Variants in CIMIP6 observed in about 807,000 individuals in gnomAD.
CIMIP6 encodes uncharacterized protein C2orf73.
At chr2:54,330,925 C>T in the CIMIP6 span, 15 of 1,585,000 alleles carry the variant, frequency 9.5e-6, no homozygotes, top group South Asian at 3.3e-5. Flanking sequence ...GGCAGGGCTG[C>T]GTCCCTGTTC....
At chr2:54,369,169 C>T in the CIMIP6 span, among the ~76,000 whole-genome samples, 5 of 152,248 alleles carry the variant, frequency 3.3e-5, no homozygotes, top group African/African-American at 1.2e-4. Flanking sequence ...TACCAAAACA[C>T]TGCGAAAGGC....
chr2:54,346,094 A>C, the CIMIP6 span, among the ~76,000 whole-genome samples: 1 of 93,670 alleles, frequency 1.1e-5, no homozygotes, highest in African/African-American at 4.2e-5. Context: ...TCCTGGCACA[A>C]CATTTGACCC....
At chr2:54,383,368 A>G in the CIMIP6 span, 3 of 152,378 alleles carry the variant, frequency 2.0e-5, no homozygotes. Context: ...TAACTAACAG[A>G]TTAATAAGCA....
At chr2:54,359,180 C>T in the CIMIP6 span, 27 of 692,180 alleles carry the variant, frequency 3.9e-5, no homozygotes, top group East Asian at 4.9e-4. Flanking sequence ...AAACAAACTA[C>T]TTCAGTTATT....
At chr2:54,351,107 A>G in the CIMIP6 span, among the ~76,000 whole-genome samples, 1 of 152,270 alleles carries the variant, frequency 6.6e-6, no homozygotes, top group Non-Finnish European at 1.5e-5. Flanking sequence ...AAATAAGAAC[A>G]GCATCTTTCA....
At chr2:54,350,490 T>C in the CIMIP6 span, among the ~76,000 whole-genome samples, 3 of 152,168 alleles carry the variant, frequency 2.0e-5, no homozygotes, top group Non-Finnish European at 2.9e-5. Context: ...CTCCACGTGG[T>C]TTCTCCAGCA....
At chr2:54,382,679 C>T in the CIMIP6 span, among the ~76,000 whole-genome samples, 1 of 152,200 alleles carries the variant, frequency 6.6e-6, no homozygotes, top group South Asian at 2.1e-4. Context: ...ATGTTTTCTA[C>T]CCCATATTCC....
chr2:54,335,655 G>A, the CIMIP6 span, among the ~76,000 whole-genome samples: 121 of 152,164 alleles, frequency 8.0e-4, no homozygotes, highest in African/African-American at 2.6e-3. Flanking sequence ...GGTTTGTTGC[G>A]GTACAATTTA....
At chr2:54,372,261 A>T in the CIMIP6 span, among the ~76,000 whole-genome samples, 7 of 152,144 alleles carry the variant, frequency 4.6e-5, no homozygotes, top group East Asian at 1.2e-3. Flanking sequence ...ACCAGCAATG[A>T]TATTATGACG....
chr2:54,333,320 T>C, the CIMIP6 span, among the ~76,000 whole-genome samples: 1 of 152,166 alleles, frequency 6.6e-6, no homozygotes. Context: ...GAAAAGCTGC[T>C]GAGGAGATGG....
chr2:54,333,259 T>C, the CIMIP6 span, among the ~76,000 whole-genome samples: 18 of 152,096 alleles, frequency 1.2e-4, no homozygotes, highest in Non-Finnish European at 2.4e-4. Flanking sequence ...ATAAAAGAAA[T>C]GAACAAAGTA....
the CIMIP6 span, among the ~76,000 whole-genome samples, chr2:54,366,600 C>G: frequency 6.6e-6 from 1 of 152,018 alleles, no homozygotes; most frequent in Non-Finnish European, 1.5e-5. Context: ...CACAGAATAT[C>G]ACATCTAAAG....
At chr2:54,339,952 T>C in the CIMIP6 span, 1 of 293,000 alleles carries the variant, frequency 3.4e-6, no homozygotes, top group South Asian at 8.5e-5. Context: ...CTCTGAGAGC[T>C]TAGGGATACT....
the CIMIP6 span, among the ~76,000 whole-genome samples, chr2:54,365,080 A>G: frequency 6.6e-6 from 1 of 152,154 alleles, no homozygotes; most frequent in Non-Finnish European, 1.5e-5. Context: ...GAGCTGTGCA[A>G]AGAGCCAGGA....
the CIMIP6 span, among the ~76,000 whole-genome samples, chr2:54,349,821 C>G: frequency 6.6e-6 from 1 of 152,024 alleles, no homozygotes. Context: ...CCTTTCTCCC[C>G]CCTTTATTTC....
At chr2:54,334,470 G>A in the CIMIP6 span, among the ~76,000 whole-genome samples, 1 of 152,186 alleles carries the variant, frequency 6.6e-6, no homozygotes, top group Non-Finnish European at 1.5e-5. Context: ...AAGAAGTTGA[G>A]TTAACTATAG....
At chr2:54,378,457 C>T in the CIMIP6 span, among the ~76,000 whole-genome samples, 2 of 152,058 alleles carry the variant, frequency 1.3e-5, no homozygotes, top group African/African-American at 4.8e-5. Context: ...AATTAATTGG[C>T]CAAATCATAT....
the CIMIP6 span, among the ~76,000 whole-genome samples, chr2:54,375,776 T>C: frequency 6.6e-6 from 1 of 152,322 alleles, no homozygotes; most frequent in East Asian, 1.9e-4. Flanking sequence ...CATTTGAGCA[T>C]GGGCTAGATC....
the CIMIP6 span, among the ~76,000 whole-genome samples, chr2:54,350,630 G>A: frequency 6.6e-6 from 1 of 152,204 alleles, no homozygotes; most frequent in African/African-American, 2.4e-5. Flanking sequence ...CACAAGACCA[G>A]CCCACATTTA....
Sources: allele counts gnomAD v4.1 joint callset (sites outside exome capture counted in the v4.1 genomes callset), GRCh38; gene constraint gnomAD v4.1.1; transcripts MANE v1.5; gene names NCBI Gene and HGNC (gene_info 2026-07-23, HGNC 2026-07-21).